Variants in XIST observed in about 807,000 individuals in gnomAD.
XIST encodes X inactive specific transcript (non-protein coding).
At chrX:73,826,464 G>C in exon 6 of XIST, 3 of 558,585 alleles carry the variant, frequency 5.4e-6, no homozygotes, top group Middle Eastern at 3.1e-4. Context: ...TAACAAATAG[G>C]TAAAAGCTGT....
At position 73,822,593 on chromosome X, in the gene XIST, A is replaced by G. The variant is rs753397244; in HGVS notation, n.17308T>C. On this transcript the variant is annotated non_coding_transcript_exon_variant, in exon 6 of 6. Coordinates refer to ENST00000429829, the Ensembl canonical transcript of XIST. ...ATTAATAAGCAAGTGTCTTTTCGTCATGATTTTTTTTGTTTTCTGTTTAGG... is the reference window on the plus strand; with the variant it reads ...ATTAATAAGCAAGTGTCTTTTCGTCGTGATTTTTTTTGTTTTCTGTTTAGG... 15 of 510,184 alleles carry G rather than the reference A, an allele frequency of 2.9e-5. No homozygotes were observed. In the Admixed American group the frequency reaches 3.5e-4, roughly 12 times the overall value. 42.0% of individuals were successfully genotyped at this position (510,184 alleles called of 1,213,427 possible). A position where few individuals can be genotyped will look rare whatever the true frequency, so the allele number is the denominator to read the frequency against.
At chrX:73,836,409 G>A (rs187549265) in intron 2 of XIST, among the ~76,000 whole-genome samples, 1 of 111,244 alleles carries the variant, frequency 9.0e-6, no homozygotes, top group African/African-American at 3.3e-5. Context: ...ACTCACTACC[G>A]TAATATTAAC....
chrX:73,843,505 AAAG>A, exon 1 of XIST: 2 of 558,698 alleles, frequency 3.6e-6, no homozygotes, highest in South Asian at 2.2e-5. Flanking sequence ...ATTAATATTA[AAAG>A]AAAAGGGTTC....
exon 1 of XIST, chrX:73,846,527 G>A (rs1922775693): frequency 3.6e-6 from 2 of 559,131 alleles, no homozygotes; most frequent in Non-Finnish European, 6.5e-6. Context: ...CGGAGAGTAG[G>A]ACCTTATTCA....
chrX:73,850,420 G>A (rs755267167), exon 1 of XIST: 11 of 538,889 alleles, frequency 2.0e-5, no homozygotes, highest in Non-Finnish European at 3.3e-6. Flanking sequence ...AGTCACTTAA[G>A]ACTTAAATTC....
intron 2 of XIST, among the ~76,000 whole-genome samples, chrX:73,834,447 A>AGAAAATG (rs1248440871): frequency 8.9e-6 from 1 of 112,771 alleles, no homozygotes; most frequent in Non-Finnish European, 1.9e-5. Context: ...CTAAGGCTAG[A>AGAAAATG]GAAAATGGTT....
At chrX:73,822,510 T>C (rs1452746017) in exon 6 of XIST, 5 of 512,170 alleles carry the variant, frequency 9.8e-6, no homozygotes, top group Non-Finnish European at 1.4e-5. Flanking sequence ...GTAGAATGAA[T>C]GAATACATGA....
At chrX:73,820,737 T>C (rs1569511310) in exon 6 of XIST, 1 of 557,321 alleles carries the variant, frequency 1.8e-6, no homozygotes, top group East Asian at 3.3e-5. Context: ...TGGCTTAAGA[T>C]TACTTTCTGG....
chrX:73,828,308 TTA>T (rs1922310281), intron 5 of XIST: 1 of 197,216 alleles, frequency 5.1e-6, no homozygotes, highest in Non-Finnish European at 9.2e-6. Flanking sequence ...GGAAATGAAC[TTA>T]TGAGTCTTCT....
rs747731415 is a variant in XIST at position 73,844,141 on chromosome X, T to A, written n.8583A>T. 2.5e-4 allele frequency: 139 copies of A among 556,493 alleles called. 1 individual carries two copies. The Admixed American group carries it at 3.1e-3, about 12-fold the overall frequency. The allele number at this position is 556,493 out of a possible 1,213,427, so 45.9% of individuals were successfully genotyped here. On this transcript the variant is annotated non_coding_transcript_exon_variant, in exon 1 of 6. Transcript: ENST00000429829. ...CTTGTCTAGGGCACAAGAACCAACA[T>A]AAATGCAATTATGCATGTCAACAAG...
At chrX:73,823,539 A>T (rs1344884374) in exon 6 of XIST, 1 of 556,379 alleles carries the variant, frequency 1.8e-6, no homozygotes, top group Non-Finnish European at 3.2e-6. Flanking sequence ...TTGTTTATCA[A>T]ATGAATCAAA....
chrX:73,851,701 T>A lies in XIST; in HGVS notation n.1023A>T, dbSNP rs757996245. On this transcript the variant is annotated non_coding_transcript_exon_variant, in exon 1 of 6. Coordinates refer to ENST00000429829, the Ensembl canonical transcript of XIST. ...CCCCAAATCAATTCATTCAGATAGG[T>A]TTAGCTCATGCAATGCACATGACTT... 1.3e-5 allele frequency: 7 copies of A among 558,965 alleles called. No homozygotes were observed. The East Asian group carries it at 2.3e-4, about 18-fold the overall frequency. 46.1% of individuals were successfully genotyped at this position (558,965 alleles called of 1,213,427 possible). A position where few individuals can be genotyped will look rare whatever the true frequency, so the allele number is the denominator to read the frequency against.
chrX:73,839,134 A>G (rs1016591904), intron 1 of XIST, among the ~76,000 whole-genome samples: 9 of 111,722 alleles, frequency 8.1e-5, no homozygotes, highest in African/African-American at 2.9e-4. Flanking sequence ...CAAGCTGTAC[A>G]TTTGATAATC....
intron 2 of XIST, among the ~76,000 whole-genome samples, chrX:73,836,141 T>C (rs1922477903): frequency 9.0e-6 from 1 of 110,978 alleles, no homozygotes; most frequent in African/African-American, 3.3e-5. Flanking sequence ...GTCCTTTAGC[T>C]CTTAGAAAAA....
chrX:73,846,614 A>G (rs1922779102), exon 1 of XIST: 2 of 554,247 alleles, frequency 3.6e-6, no homozygotes, highest in Non-Finnish European at 6.5e-6. Flanking sequence ...TTGTGCACCT[A>G]GACTCTCCAA....
exon 1 of XIST, chrX:73,847,806 G>A (rs191626666): frequency 1.8e-6 from 1 of 557,223 alleles, no homozygotes; most frequent in East Asian, 3.3e-5. Context: ...TAATGTAAAA[G>A]GGGTAGAATA....
At chrX:73,824,084 A>G (rs765157632) in exon 6 of XIST, 3 of 553,265 alleles carry the variant, frequency 5.4e-6, no homozygotes, top group Non-Finnish European at 9.8e-6. Context: ...ATGATCATTC[A>G]GCAGATATAG....
chrX:73,839,492 AGATT>A (rs1922548350), intron 1 of XIST, among the ~76,000 whole-genome samples: 1 of 111,487 alleles, frequency 9.0e-6, no homozygotes, highest in Non-Finnish European at 1.9e-5. Context: ...CGAGATGGTC[AGATT>A]GATGGTGATC....
At chrX:73,849,256 CTTTG>C (rs2147707923) in exon 1 of XIST, 1 of 558,911 alleles carries the variant, frequency 1.8e-6, no homozygotes, top group Non-Finnish European at 3.2e-6. Context: ...AGTAGGGTGC[CTTTG>C]TTTAATAGGC....
Sources: allele counts gnomAD v4.1 joint callset (sites outside exome capture counted in the v4.1 genomes callset), GRCh38; gene constraint gnomAD v4.1.1; transcripts MANE v1.5; gene names NCBI Gene and HGNC (gene_info 2026-07-23, HGNC 2026-07-21).